SH3D19: variants seen among roughly 807,000 people sequenced by gnomAD.
SH3D19 encodes SH3 domain-containing protein 19.
A neutral mutation model predicts 112.1 loss-of-function variants in SH3D19; 58 were observed. That is an observed-to-expected ratio of 0.52 (90% confidence interval 0.42 to 0.64). The LOEUF (loss-of-function observed/expected upper bound fraction) is 0.64, where lower values mean the gene tolerates loss of function less well. Ranked by LOEUF, SH3D19 falls within the 30% of genes least tolerant of loss-of-function variation. SH3D19 has a pLI of 0.00. For missense variants in SH3D19, 1,090 were observed against 1,263.4 expected (o/e 0.86, Z 2.08); for synonymous variants, 391 against 448.5 (o/e 0.87, Z 1.62).
intron 2 of SH3D19, among the ~76,000 whole-genome samples, chr4:151,208,296 C>T (rs1561343947): frequency 6.6e-6 from 1 of 152,218 alleles, no homozygotes; most frequent in Non-Finnish European, 1.5e-5. Context: ...TTCCTGATGG[C>T]CTGCCTTACG....
At chr4:151,128,025 A>G (rs763145120) in intron 18 of SH3D19, 145 bp downstream of exon 18, 6 of 578,392 alleles carry the variant, frequency 1.0e-5, no homozygotes, top group Non-Finnish European at 1.7e-5. Flanking sequence ...AAGCATATGA[A>G]TGAAGTTTGC....
intron 1 of SH3D19, among the ~76,000 whole-genome samples, chr4:151,272,955 G>C (rs1773329506): frequency 6.6e-6 from 1 of 152,086 alleles, no homozygotes; most frequent in African/African-American, 2.4e-5. Flanking sequence ...GGGGCTGTAA[G>C]TGGTGATTTT....
chr4:151,123,347 G>A (rs958174530), intron 19 of SH3D19, among the ~76,000 whole-genome samples: 4 of 152,084 alleles, frequency 2.6e-5, no homozygotes, highest in Non-Finnish European at 4.4e-5. Flanking sequence ...ACTTAGAAAG[G>A]CTTTTACTGT....
chr4:151,230,188 G>A (rs79433464), intron 1 of SH3D19, among the ~76,000 whole-genome samples: 188 of 152,264 alleles, frequency 1.2e-3, no homozygotes, highest in African/African-American at 4.2e-3. Context: ...TAGGTGTTAC[G>A]CCACTTACGT....
rs576095565 is a variant in SH3D19, at chr4:151,265,191, C to A, written c.113-39105G>T. ...TTATAAGCAGGATAAAGAATGATTA[C>A]AATTTATTCTCAAAGGCATACTGTT... On this transcript the variant is annotated intron_variant, in intron 1 of 19. Coordinates refer to ENST00000604030, the MANE Select transcript of SH3D19 (RefSeq NM_001378122.1). Among the ~76,000 whole-genome samples, 4 of 151,906 alleles carry A rather than the reference C, an allele frequency of 2.6e-5. No homozygotes were observed. The East Asian group carries it at 7.7e-4, about 29-fold the overall frequency.
At chr4:151,306,933 AC>A (rs1728968370) in intron 1 of SH3D19, among the ~76,000 whole-genome samples, 1 of 146,368 alleles carries the variant, frequency 6.8e-6, no homozygotes, top group African/African-American at 2.5e-5. Flanking sequence ...TTTATCATCC[AC>A]TCTCCCGCAT....
chr4:151,285,359 AAAAC>A (rs1305975821), intron 1 of SH3D19, among the ~76,000 whole-genome samples: 1 of 152,242 alleles, frequency 6.6e-6, no homozygotes, highest in Non-Finnish European at 1.5e-5. Flanking sequence ...GCTAAGCTGT[AAAAC>A]AAGCCTCAAT....
intron 7 of SH3D19, among the ~76,000 whole-genome samples, chr4:151,171,959 A>T (rs1759142113): frequency 1.3e-5 from 2 of 152,156 alleles, no homozygotes; most frequent in Non-Finnish European, 2.9e-5. Context: ...TTATTTAATA[A>T]TTTTTCTAAT....
At chr4:151,197,486 A>C (rs1342061618) in intron 2 of SH3D19, among the ~76,000 whole-genome samples, 2 of 152,252 alleles carry the variant, frequency 1.3e-5, no homozygotes, top group East Asian at 3.8e-4. Flanking sequence ...AATATTTGGA[A>C]CTGGGTTAGC....
At chr4:151,309,932 G>T (rs965303641) in intron 1 of SH3D19, among the ~76,000 whole-genome samples, 3 of 152,182 alleles carry the variant, frequency 2.0e-5, no homozygotes, top group African/African-American at 7.2e-5. Context: ...CAAGGCTATA[G>T]TGAGCAGAGA....
chr4:151,171,269 G>A (rs1014865794), intron 7 of SH3D19, among the ~76,000 whole-genome samples: 15 of 151,590 alleles, frequency 9.9e-5, no homozygotes, highest in Non-Finnish European at 2.1e-4. Context: ...ATTTTCAAGG[G>A]AGAGAAAAGA....
At chr4:151,144,161 TAA>T (rs1254528422) in intron 11 of SH3D19, 111 bp from the exon 12 acceptor site, 1 of 1,597,136 alleles carries the variant, frequency 6.3e-7, no homozygotes, top group East Asian at 2.2e-5. Context: ...GTAATGGTAG[TAA>T]CAGAGGCCAG....
intron 1 of SH3D19, among the ~76,000 whole-genome samples, chr4:151,297,792 A>G (rs929999310): frequency 6.6e-6 from 1 of 152,208 alleles, no homozygotes; most frequent in Non-Finnish European, 1.5e-5. Flanking sequence ...ATGTTACTAC[A>G]CGTAGTAAAG....
intron 11 of SH3D19, among the ~76,000 whole-genome samples, chr4:151,146,798 T>A (rs541298773): frequency 6.6e-6 from 1 of 152,296 alleles, no homozygotes; most frequent in Non-Finnish European, 1.5e-5. Context: ...CCTCCCAAAG[T>A]GCTGGGATTA....
At chr4:151,299,628 C>T (rs1160886610) in intron 1 of SH3D19, among the ~76,000 whole-genome samples, 1 of 126,596 alleles carries the variant, frequency 7.9e-6, no homozygotes, top group African/African-American at 2.6e-5. Context: ...ATCTTCAAAG[C>T]CAAGTTTGGA....
intron 1 of SH3D19, among the ~76,000 whole-genome samples, chr4:151,268,791 T>C (rs1175430354): frequency 5.5e-5 from 8 of 144,890 alleles, no homozygotes; most frequent in Admixed American, 4.2e-4. Flanking sequence ...TATGGCTGCA[T>C]AATATTCCAT....
intron 1 of SH3D19, chr4:151,277,160 T>C (rs1580381080): frequency 3.5e-6 from 5 of 1,440,648 alleles, no homozygotes; most frequent in African/African-American, 1.4e-5. Context: ...TCACTGGCTC[T>C]GAGGACAGAG....
At chr4:151,163,935 T>C (rs12648512) in intron 8 of SH3D19, among the ~76,000 whole-genome samples, 108,402 of 152,092 alleles carry the variant, frequency 0.71, 43,741 homozygotes, top group Non-Finnish European at 0.91. Flanking sequence ...AAAAATAAAA[T>C]ATAACTTCCT....
At chr4:151,183,169 T>G (rs908457700) in intron 3 of SH3D19, among the ~76,000 whole-genome samples, 1 of 151,858 alleles carries the variant, frequency 6.6e-6, no homozygotes, top group Non-Finnish European at 1.5e-5. Context: ...TTTTTGTATT[T>G]TTAGTAGAGA....
Sources: allele counts gnomAD v4.1 joint callset (sites outside exome capture counted in the v4.1 genomes callset), GRCh38; gene constraint gnomAD v4.1.1; transcripts MANE v1.5; gene names NCBI Gene and HGNC (gene_info 2026-07-23, HGNC 2026-07-21).